MRI1: variants seen among roughly 807,000 people sequenced by gnomAD.
MRI1 encodes methylthioribose-1-phosphate isomerase 1.
Under a neutral mutation model 27.3 loss-of-function variants are expected in MRI1, and 32 were observed. The observed-to-expected ratio is 1.17, with a 90% CI of 0.88 to 1.57. The LOEUF (loss-of-function observed/expected upper bound fraction) is 1.57, where lower values mean the gene tolerates loss of function less well. MRI1 is among the 40% of genes most tolerant of loss of function. MRI1 has a pLI of 0.00. For missense variants in MRI1, 508 were observed against 516.1 expected (o/e 0.98, Z 0.15); for synonymous variants, 216 against 227.4 (o/e 0.95, Z 0.45).
intron 5 of MRI1, among the ~76,000 whole-genome samples, chr19:13,770,519 A>G (rs1028472772): frequency 1.3e-5 from 2 of 151,632 alleles, no homozygotes; most frequent in Non-Finnish European, 2.9e-5. Context: ...CCTAGGACGC[A>G]GAGGTTGCAG....
chr19:13,764,555 C>G lies in MRI1; in HGVS notation c.-34C>G. The G allele has an allele frequency of 6.3e-7, 1 of 1,599,232 alleles. No individual in the cohort carries two copies. Among genetic ancestry groups the G allele is most frequent in the Non-Finnish European group, 8.5e-7 (1 of 1,174,124 alleles). ...CCCAAGTGCGCGCGGACCCCTAGCT[C>G]CCTCTGAGTTGCGCTGGGCTTGGCT... On this transcript the variant is annotated 5_prime_UTR_variant, in exon 1 of 6. Transcript: ENST00000040663.
Position 13,764,530 on chromosome 19 carries a change from C to G in MRI1, c.-59C>G. 2 of 1,585,670 alleles carry G rather than the reference C, an allele frequency of 1.3e-6. No homozygotes were observed. Among genetic ancestry groups the G allele is most frequent in the Non-Finnish European group, 1.7e-6 (2 of 1,167,650 alleles). ...GCTCCGCCCACGGCCCCGCCCCGCT[C>G]CCAAGTGCGCGCGGACCCCTAGCTC... On this transcript the variant is annotated 5_prime_UTR_variant, in exon 1 of 6. Transcript: ENST00000040663.
In MRI1 at chr19:13,765,126, C is replaced by T; in HGVS notation, c.371+17C>T. 6.6e-7 allele frequency: 1 copy of T among 1,504,568 alleles called. No individual in the cohort carries two copies. Among genetic ancestry groups the T allele is most frequent in the Middle Eastern group, 1.7e-4 (1 of 5,794 alleles). The allele number at this position is 1,504,568 out of a possible 1,614,324, so 93.2% of individuals were successfully genotyped here. On this transcript the variant is annotated intron_variant, in intron 2 of 5. Transcript: ENST00000040663. Reference sequence around the variant, plus strand: ...CCGGGAGAGGTACGGGGATCTGGTACCAGGCACGGCGCTGAGCAGGAATTA... The same window carrying T: ...CCGGGAGAGGTACGGGGATCTGGTATCAGGCACGGCGCTGAGCAGGAATTA...
rs1974185196 is a variant in MRI1, at chr19:13,768,295, G to A, written c.548-266G>A. On this transcript the variant is annotated intron_variant, in intron 3 of 5. Coordinates refer to ENST00000040663, the MANE Select transcript of MRI1 (RefSeq NM_001031727.4). ...ACAGAGAGCAGGAAACTGAAAGTGT[G>A]GGGATTGCTATGCAAAACTGATATA... The A allele has an allele frequency of 3.7e-6, 3 of 815,904 alleles. No homozygotes were observed. In the Admixed American group the frequency reaches 6.0e-5, roughly 16 times the overall value. 50.5% of individuals were successfully genotyped at this position (815,904 alleles called of 1,614,324 possible). A position where few individuals can be genotyped will look rare whatever the true frequency, so the allele number is the denominator to read the frequency against.
chr19:13,772,863 AAAAT>A lies in MRI1; in HGVS notation c.*586_*589del, dbSNP rs1042774685. 3.1e-4 allele frequency: 47 copies of A among 151,544 alleles called. No homozygotes were observed. The highest frequency in any genetic ancestry group is 1.1e-3 in the African/African-American group (46 of 41,124). 9.4% of individuals were successfully genotyped at this position (151,544 alleles called of 1,614,324 possible). Reference sequence around the variant, plus strand: ...ATAATTAATTAATTATTTAATTAAAAAAATAAAAAATAAATGTGGATAATACTAG... The same window carrying A: ...ATAATTAATTAATTATTTAATTAAAAAAAAAATAAATGTGGATAATACTAG... On this transcript the variant is annotated 3_prime_UTR_variant, in exon 6 of 6. Coordinates refer to ENST00000040663, the MANE Select transcript of MRI1 (RefSeq NM_001031727.4).
chr19:13,765,354 C>T (rs1464018394), intron 2 of MRI1, among the ~76,000 whole-genome samples: 3 of 152,134 alleles, frequency 2.0e-5, no homozygotes, highest in East Asian at 1.9e-4. Context: ...AATCGTGCCT[C>T]CCCTGAATAC....
At chr19:13,770,136 G>A (rs559766215) in intron 5 of MRI1, among the ~76,000 whole-genome samples, 2 of 152,212 alleles carry the variant, frequency 1.3e-5, no homozygotes, top group East Asian at 3.9e-4. Flanking sequence ...CTTCCTGGCT[G>A]TGCAACCGTT....
chr19:13,769,616 G>A (rs1462028277), intron 5 of MRI1, among the ~76,000 whole-genome samples: 2 of 151,960 alleles, frequency 1.3e-5, no homozygotes, highest in Non-Finnish European at 2.9e-5. Context: ...GGCTGGCCAC[G>A]TGTTTGTAAA....
chr19:13,764,791 CGGGG>C (rs1974076559), intron 1 of MRI1, 71 bp downstream of exon 1: 2 of 282,808 alleles, frequency 7.1e-6, no homozygotes, highest in African/African-American at 4.4e-5. Flanking sequence ...GGCGGGGCGG[CGGGG>C]CGGCGGGGCG....
chr19:13,766,431 G>A (rs1431334708), intron 3 of MRI1, among the ~76,000 whole-genome samples: 1 of 152,146 alleles, frequency 6.6e-6, no homozygotes, highest in African/African-American at 2.4e-5. Context: ...TACTAGAAAA[G>A]TCTCCTTGTA....
At position 13,766,055 on chromosome 19, in the gene MRI1, G is replaced by A. The variant is rs928916945; in HGVS notation, c.473G>A (p.Ser158Asn). ...ARHLLERVAP[S>N]GGKVTVLTHC... Reference sequence around the variant, plus strand: ...CACCTCCTGGAGCGGGTGGCCCCCAGCGGTGGCAAGGTGACTGTGCTGACC... The same window carrying A: ...CACCTCCTGGAGCGGGTGGCCCCCAACGGTGGCAAGGTGACTGTGCTGACC... Residue 158 changes from serine (S) to asparagine (N), a missense_variant, in exon 3 of 6, where the codon AGC becomes AAC. Physicochemically the swap from Ser to Asn is conservative, Grantham distance 46 (BLOSUM62 1). This residue lies in a region of MRI1 where 457 missense variants were observed against 452.8 expected (regional missense o/e 1.01). Transcript: ENST00000040663. 10 of 1,613,134 alleles carry A rather than the reference G, an allele frequency of 6.2e-6. No individual in the cohort carries two copies. The highest frequency in any genetic ancestry group is 7.6e-6 in the Non-Finnish European group (9 of 1,179,856).
rs544891770 is a variant in MRI1 at position 13,765,880 on chromosome 19, G to A, written c.372-74G>A. ...AGCAGGAGGGCTCCAGGACAGCAGC[G>A]TTAGGCAGAGAGGAGGCGTTGGCCT... is the stretch of plus-strand genomic sequence containing the variant. On this transcript the variant is annotated intron_variant, in intron 2 of 5. Coordinates refer to ENST00000040663, the MANE Select transcript of MRI1 (RefSeq NM_001031727.4). 1.7e-4 allele frequency: 250 copies of A among 1,493,204 alleles called. 3 individuals carry two copies. The African/African-American group carries it at 3.2e-3, about 19-fold the overall frequency. 92.5% of individuals were successfully genotyped at this position (1,493,204 alleles called of 1,614,324 possible). A position where few individuals can be genotyped will look rare whatever the true frequency, so the allele number is the denominator to read the frequency against.
intron 5 of MRI1, among the ~76,000 whole-genome samples, chr19:13,771,047 C>T (rs1317383620): frequency 6.6e-6 from 1 of 151,470 alleles, no homozygotes; most frequent in East Asian, 1.9e-4. Flanking sequence ...GGCAACATTG[C>T]CAGACCACAA....
intron 3 of MRI1, 76 bp from the exon 4 acceptor site, chr19:13,768,485 G>C (rs1271435803): frequency 1.3e-6 from 2 of 1,590,206 alleles, no homozygotes; most frequent in Middle Eastern, 1.7e-4. Flanking sequence ...CTAGGAGCCT[G>C]CACCCCTAAC....
In MRI1 at chr19:13,772,044, A is replaced by G. The variant is rs1296017109; in HGVS notation, c.950-77A>G. The G allele has an allele frequency of 7.8e-6, 11 of 1,409,252 alleles. No individual in the cohort carries two copies. The East Asian group carries it at 2.1e-4, about 27-fold the overall frequency. 87.3% of individuals were successfully genotyped at this position (1,409,252 alleles called of 1,614,324 possible). Reference sequence around the variant, plus strand: ...CCCCAACTCCAAGAACCACTGTGGTAGAAACAGATGACTACAACCTGAGAA... The same window carrying G: ...CCCCAACTCCAAGAACCACTGTGGTGGAAACAGATGACTACAACCTGAGAA... On this transcript the variant is annotated intron_variant, in intron 5 of 5. Coordinates refer to ENST00000040663, the MANE Select transcript of MRI1 (RefSeq NM_001031727.4).
chr19:13,768,305 A>G (rs1285512933), intron 3 of MRI1: 4 of 871,850 alleles, frequency 4.6e-6, no homozygotes, highest in African/African-American at 1.7e-5. Context: ...GGGGATTGCT[A>G]TGCAAAACTG....
rs749604505 is a variant in MRI1 at position 13,772,076 on chromosome 19, C to T, written c.950-45C>T. ...GATGACTACAACCTGAGAACTTTCA[C>T]AGAAGCAAATTCTTGCCTCCTTGCC... On this transcript the variant is annotated intron_variant, in intron 5 of 5. Transcript: ENST00000040663. The T allele has an allele frequency of 2.7e-5, 42 of 1,552,122 alleles. No individual in the cohort carries two copies. The South Asian group carries it at 4.7e-4, about 17-fold the overall frequency.
rs1974202357 is a variant in MRI1, at chr19:13,768,746, A to T, written c.724+9A>T. The T allele has an allele frequency of 6.2e-7, 1 of 1,610,032 alleles. No individual in the cohort carries two copies. The stretch of plus-strand genomic sequence containing the variant: ...CCATAGGGGCGTGTCAGGTAAGCAG[A>T]CGGTAAGCCCTGGGGGCGGGGCTCT... On this transcript the variant is annotated intron_variant, in intron 4 of 5. Coordinates refer to ENST00000040663, the MANE Select transcript of MRI1 (RefSeq NM_001031727.4).
At position 13,769,901 on chromosome 19, in the gene MRI1, CA is replaced by C. The variant is rs1389567441; in HGVS notation, c.949+854del. On this transcript the variant is annotated intron_variant, in intron 5 of 5. Transcript: ENST00000040663. ...CACCATTGCACTCCAGCCTGGGCAA[CA>C]GAGTGAGATTCTGTCTCAAAAAAAA... Among the ~76,000 whole-genome samples, 3 of 150,426 alleles carry C rather than the reference CA, an allele frequency of 2.0e-5. No individual in the cohort carries two copies. The East Asian group carries it at 5.8e-4, about 29-fold the overall frequency.
Sources: allele counts gnomAD v4.1 joint callset (sites outside exome capture counted in the v4.1 genomes callset), GRCh38; gene constraint gnomAD v4.1.1; regional missense constraint gnomAD v4.1.1; transcripts MANE v1.5; gene names NCBI Gene and HGNC (gene_info 2026-07-23, HGNC 2026-07-21).